PEAK1: variants seen among roughly 807,000 people sequenced by gnomAD.
PEAK1 encodes pseudopodium enriched atypical kinase 1.
Under a neutral mutation model 124.7 loss-of-function variants are expected in PEAK1, and 54 were observed. The observed-to-expected ratio is 0.43, with a 90% CI of 0.35 to 0.54. PEAK1 has a LOEUF of 0.54. PEAK1 is among the 20% of genes least tolerant of loss of function. PEAK1 has a pLI of 0.01. For synonymous variants in PEAK1, 719 were observed against 760.0 expected, an observed-to-expected ratio of 0.95 and a Z score of 0.89; for missense variants, 2,046 against 2,134.5, an observed-to-expected ratio of 0.96 and a Z score of 0.82.
intron 6 of PEAK1, chr15:77,205,212 AT>A: frequency 4.6e-6 from 1 of 219,014 alleles, no homozygotes; most frequent in Non-Finnish European, 8.7e-6. Flanking sequence ...CTCTAGACAC[AT>A]TTTCAAGAAG....
chr15:77,173,171 G>A (rs1400684737), intron 7 of PEAK1, among the ~76,000 whole-genome samples: 1 of 152,126 alleles, frequency 6.6e-6, no homozygotes, highest in Non-Finnish European at 1.5e-5. Context: ...TTTAACCACT[G>A]TTGTTTATGC....
At position 77,179,136 on chromosome 15, in the gene PEAK1, A is replaced by G. The variant is rs1456694057; in HGVS notation, c.2791T>C (p.Phe931Leu). ...TCATCTGTTTTCCGACGGCGGAAGA[A>G]GCTTTTAAATGATATCCAGCGCTTA... ...KPKRWISFKS[F>L]FRRRKTDEED... The change falls in exon 7 of 10, where the codon TTC (phenylalanine) becomes CTC (leucine). Residue 931 changes from phenylalanine to leucine, a missense_variant. By Grantham distance (22) the Phe-to-Leu change is conservative. Transcript: ENST00000682557. 1 of 1,614,152 alleles carries G rather than the reference A, an allele frequency of 6.2e-7. No homozygotes were observed. Among genetic ancestry groups the G allele is most frequent in the South Asian group, 1.1e-5 (1 of 91,088 alleles).
At position 77,310,282 on chromosome 15, in the gene PEAK1, C is replaced by A. The variant is rs534372313; in HGVS notation, c.-602-23778G>T. Among the ~76,000 whole-genome samples the A allele has an allele frequency of 2.6e-5, 4 of 152,294 alleles. No individual in the cohort carries two copies. In the East Asian group the frequency reaches 7.7e-4, roughly 29 times the overall value. ...AAAGTTTGAACTAATAGGTTTAAGT[C>A]TGGGGTCCCTGAGTCACTCCTTTTA... On this transcript the variant is annotated intron_variant, in intron 2 of 9. Transcript: ENST00000682557.
intron 5 of PEAK1, among the ~76,000 whole-genome samples, chr15:77,258,765 G>T (rs2061295530): frequency 6.6e-6 from 1 of 152,128 alleles, no homozygotes. Context: ...ACACTATGTT[G>T]AATAGGAGTG....
intron 6 of PEAK1, among the ~76,000 whole-genome samples, chr15:77,225,344 G>C (rs1256337226): frequency 6.6e-6 from 1 of 151,952 alleles, no homozygotes; most frequent in East Asian, 1.9e-4. Flanking sequence ...TTCTGAGACA[G>C]TACATTTCAT....
At chr15:77,419,694 A>G (rs2073210435) in intron 1 of PEAK1, 1 of 983,568 alleles carries the variant, frequency 1.0e-6, no homozygotes, top group Non-Finnish European at 1.2e-6. Context: ...GCAGGTCCCA[A>G]CTTTCCTTCC....
chr15:77,404,767 AAG>A (rs1174115970), intron 1 of PEAK1: 1 of 965,996 alleles, frequency 1.0e-6, no homozygotes, highest in African/African-American at 1.8e-5. Flanking sequence ...ATCAGAAAAA[AAG>A]AGCAGGTTAT....
intron 6 of PEAK1, among the ~76,000 whole-genome samples, chr15:77,235,721 C>A (rs532801184): frequency 1.2e-4 from 18 of 152,320 alleles, no homozygotes; most frequent in Non-Finnish European, 2.4e-4. Flanking sequence ...GCACGTCAGA[C>A]CTTCAAGGCA....
intron 1 of PEAK1, among the ~76,000 whole-genome samples, chr15:77,386,545 A>G (rs1488985277): frequency 1.3e-5 from 2 of 152,128 alleles, no homozygotes; most frequent in African/African-American, 4.8e-5. Flanking sequence ...CTTTGTTCAT[A>G]CCCATCAGAA....
At chr15:77,129,851 T>C (rs1228859125) in intron 9 of PEAK1, among the ~76,000 whole-genome samples, 1 of 152,132 alleles carries the variant, frequency 6.6e-6, no homozygotes, top group Non-Finnish European at 1.5e-5. Flanking sequence ...GGAAGGGAAT[T>C]TAAGAAGATA....
intron 1 of PEAK1, chr15:77,418,690 C>A: frequency 2.6e-5 from 26 of 985,376 alleles, no homozygotes; most frequent in Non-Finnish European, 3.1e-5. Context: ...ACGAGAGAAG[C>A]CATCATGAAG....
intron 9 of PEAK1, among the ~76,000 whole-genome samples, chr15:77,119,403 G>C (rs2051705330): frequency 6.6e-6 from 1 of 152,206 alleles, no homozygotes; most frequent in Non-Finnish European, 1.5e-5. Flanking sequence ...ACAGAGAAGG[G>C]AAAAATATTA....
At chr15:77,373,874 T>C (rs1407095683) in intron 1 of PEAK1, among the ~76,000 whole-genome samples, 1 of 152,140 alleles carries the variant, frequency 6.6e-6, no homozygotes, top group Admixed American at 6.5e-5. Flanking sequence ...GTCAAAACTA[T>C]GCAGACAATG....
intron 6 of PEAK1, among the ~76,000 whole-genome samples, chr15:77,193,937 C>A (rs2057981245): frequency 6.6e-6 from 1 of 152,148 alleles, no homozygotes; most frequent in East Asian, 1.9e-4. Context: ...CCAGAGTTTG[C>A]CATATAACAT....
intron 1 of PEAK1, among the ~76,000 whole-genome samples, chr15:77,385,134 G>A (rs554722746): frequency 6.6e-6 from 1 of 152,064 alleles, no homozygotes; most frequent in African/African-American, 2.4e-5. Context: ...GATTCAAAAT[G>A]TAAAATGCCT....
At chr15:77,213,750 GATTT>G (rs368225376) in intron 6 of PEAK1, among the ~76,000 whole-genome samples, 178 of 151,966 alleles carry the variant, frequency 1.2e-3, no homozygotes, top group African/African-American at 4.1e-3. Context: ...TGATGAACAG[GATTT>G]ATTTATTTTC....
At chr15:77,387,071 T>C (rs974689111) in intron 1 of PEAK1, among the ~76,000 whole-genome samples, 1 of 152,240 alleles carries the variant, frequency 6.6e-6, no homozygotes, top group Non-Finnish European at 1.5e-5. Flanking sequence ...TTCTGAACTA[T>C]TTCTGTGTTC....
At chr15:77,298,004 G>C (rs556902339) in intron 2 of PEAK1, among the ~76,000 whole-genome samples, 1 of 135,172 alleles carries the variant, frequency 7.4e-6, no homozygotes, top group Admixed American at 7.9e-5. Context: ...CTTGCAGTGA[G>C]CCGAGATTGC....
At chr15:77,262,780 C>T (rs2061509434) in intron 5 of PEAK1, among the ~76,000 whole-genome samples, 1 of 151,870 alleles carries the variant, frequency 6.6e-6, no homozygotes, top group Non-Finnish European at 1.5e-5. Flanking sequence ...AACTCTCCAC[C>T]CCAAATCAAC....
Sources: allele counts gnomAD v4.1 joint callset (sites outside exome capture counted in the v4.1 genomes callset), GRCh38; gene constraint gnomAD v4.1.1; transcripts MANE v1.5; gene names NCBI Gene and HGNC (gene_info 2026-07-23, HGNC 2026-07-21).